The following SOD2 variants were observed in gnomAD, a reference collection of about 807,000 sequenced individuals.
The protein encoded by SOD2 is superoxide dismutase 2.
SOD2 carries 11 observed loss-of-function variants against 27.0 expected under a neutral mutation model. That is an observed-to-expected ratio of 0.41 (90% CI 0.26 to 0.67). The LOEUF is 0.67. Among genes scored for constraint, SOD2 ranks in the 30% least tolerant of loss-of-function variants. The pLI, the probability that SOD2 is intolerant of heterozygous loss-of-function variation, is 0.34. For missense variants in SOD2, 250 were observed against 274.5 expected, an observed-to-expected ratio of 0.91 and a Z score of 0.63; for synonymous variants, 105 against 103.0, an observed-to-expected ratio of 1.02 and a Z score of -0.12.
At chr6:159,741,394 A>G (rs1200218920) in intron 1 of SOD2, among the ~76,000 whole-genome samples, 1 of 152,224 alleles carries the variant, frequency 6.6e-6, no homozygotes, top group Non-Finnish European at 1.5e-5. Flanking sequence ...GAAGAGTCAC[A>G]TGGTATTTTC....
chr6:159,708,275 C>G (rs1777665096), intron 1 of SOD2, among the ~76,000 whole-genome samples: 1 of 152,182 alleles, frequency 6.6e-6, no homozygotes, highest in South Asian at 2.1e-4. Context: ...CCAGGGCCAT[C>G]AGGCAGGAGA....
upstream of SOD2, chr6:159,748,647 C>T: frequency 7.8e-7 from 1 of 1,285,162 alleles, no homozygotes; most frequent in African/African-American, 1.5e-5. This position sits in a 1 kb window ranked among gnomAD's most constrained non-coding sequence, Gnocchi z 5.6. Context: ...AATTCCCCTT[C>T]TAGAACATGT....
upstream of SOD2, among the ~76,000 whole-genome samples, chr6:159,696,382 C>T (rs746590368): frequency 4.6e-5 from 7 of 152,054 alleles, no homozygotes; most frequent in Non-Finnish European, 8.8e-5. Context: ...TGCAGTGGTG[C>T]GATCTCGGCT....
chr6:159,759,129 G>A (rs900571046), intron 1 of SOD2, among the ~76,000 whole-genome samples: 4 of 149,388 alleles, frequency 2.7e-5, no homozygotes, highest in Admixed American at 6.7e-5. Flanking sequence ...GTGCAATCTC[G>A]GCCCACCACA....
chr6:159,749,184 G>T, upstream of SOD2: 1 of 985,872 alleles, frequency 1.0e-6, no homozygotes, highest in Non-Finnish European at 1.2e-6. Context: ...ACTTCAGGTT[G>T]AAACTGTTTG....
Position 159,672,571 on chromosome 6 carries a change from T to C in SOD2, c.*9922A>G, listed in dbSNP as rs971553933. ...AGATTTTGTCACCACCAGGCCTGCC[T>C]TACAAGAGCTCCTGAAGGAAGCACT... is the stretch of plus-strand genomic sequence containing the variant. On this transcript the variant is annotated 3_prime_UTR_variant, in exon 5 of 5. Transcript: ENST00000538183. 2.0e-5 allele frequency: 3 copies of C among 152,072 alleles called. No homozygotes were observed. Among genetic ancestry groups the C allele is most frequent in the African/African-American group, 7.2e-5 (3 of 41,396 alleles). The allele number at this position is 152,072 out of a possible 1,614,324, so 9.4% of individuals were successfully genotyped here. A position where few individuals can be genotyped will look rare whatever the true frequency, so the allele number is the denominator to read the frequency against.
At chr6:159,697,034 GACACACAC>G (rs35334577), upstream of SOD2, among the ~76,000 whole-genome samples, 765 of 132,718 alleles carry the variant, frequency 5.8e-3, 3 homozygotes, top group East Asian at 0.035. Flanking sequence ...AGGAGACCCT[GACACACAC>G]ACACACACAC....
chr6:159,676,296 A>G lies in SOD2; in HGVS notation c.*6197T>C, dbSNP rs1010137361. On this transcript the variant is annotated 3_prime_UTR_variant, in exon 5 of 5. Coordinates refer to ENST00000538183, the MANE Select transcript of SOD2 (RefSeq NM_000636.4). ...CATGCTGCTATAAAGACACATGCAC[A>G]CGTATATTTATTGTGGCACTGTTCA... The G allele has an allele frequency of 4.6e-5, 7 of 152,218 alleles. No individual in the cohort carries two copies. Among genetic ancestry groups the G allele is most frequent in the African/African-American group, 1.7e-4 (7 of 41,456 alleles). 9.4% of individuals were successfully genotyped at this position (152,218 alleles called of 1,614,324 possible).
upstream of SOD2, among the ~76,000 whole-genome samples, chr6:159,746,658 T>C (rs1779594868): frequency 3.3e-5 from 5 of 152,246 alleles, no homozygotes; most frequent in Admixed American, 3.3e-4. Flanking sequence ...ATATACTGTA[T>C]TCTTAACTAT....
chr6:159,755,794 T>G, intron 1 of SOD2: 2 of 877,020 alleles, frequency 2.3e-6, no homozygotes, highest in Non-Finnish European at 1.5e-6. Flanking sequence ...TTTTTTTGCT[T>G]CAATACTTCT....
chr6:159,743,829 G>A (rs779320831), intron 1 of SOD2: 2 of 1,550,276 alleles, frequency 1.3e-6, no homozygotes, highest in Non-Finnish European at 1.7e-6. Flanking sequence ...CTTTAGTTGA[G>A]GAATTGGTTT....
chr6:159,699,273 A>G (rs1268437887), intron 1 of SOD2, among the ~76,000 whole-genome samples: 1 of 152,156 alleles, frequency 6.6e-6, no homozygotes, highest in Non-Finnish European at 1.5e-5. Context: ...CATTGCTTCT[A>G]TGCCCTGACC....
In SOD2 at chr6:159,671,875, A is replaced by G. The variant is rs773410432; in HGVS notation, c.*10618T>C. Reference sequence around the variant, plus strand: ...ATTAGACAAATGGCTAACTAGAATAACCAGCATAGAGAAGTCCTTAAATGA... The same window carrying G: ...ATTAGACAAATGGCTAACTAGAATAGCCAGCATAGAGAAGTCCTTAAATGA... On this transcript the variant is annotated 3_prime_UTR_variant, in exon 5 of 5. Coordinates refer to ENST00000538183, the MANE Select transcript of SOD2 (RefSeq NM_000636.4). The G allele has an allele frequency of 5.3e-5, 8 of 152,188 alleles. No individual in the cohort carries two copies. The highest frequency in any genetic ancestry group is 8.8e-5 in the Non-Finnish European group (6 of 68,044). The allele number at this position is 152,188 out of a possible 1,614,324, so 9.4% of individuals were successfully genotyped here.
At chr6:159,687,128 A>T (rs1780227424) in intron 3 of SOD2, among the ~76,000 whole-genome samples, 1 of 152,210 alleles carries the variant, frequency 6.6e-6, no homozygotes, top group Admixed American at 6.5e-5. Context: ...TGTATCACAT[A>T]GATGAAAAAA....
At chr6:159,748,905 G>C, upstream of SOD2, 1 of 1,174,450 alleles carries the variant, frequency 8.5e-7, no homozygotes. This position sits in a 1 kb window ranked among gnomAD's most constrained non-coding sequence, Gnocchi z 5.6. Context: ...CATGATTGTT[G>C]TTGAACTTCT....
chr6:159,693,706 C>T (rs1431986398), upstream of SOD2, among the ~76,000 whole-genome samples: 2 of 152,248 alleles, frequency 1.3e-5, no homozygotes, highest in Non-Finnish European at 2.9e-5. Context: ...TTCATACCCT[C>T]CCAGGGCCCC....
intron 1 of SOD2, among the ~76,000 whole-genome samples, chr6:159,759,059 A>C (rs1198590546): frequency 6.8e-6 from 1 of 147,136 alleles, no homozygotes. Flanking sequence ...ATTTTATTTT[A>C]TTTCTTTTTT....
intron 4 of SOD2, among the ~76,000 whole-genome samples, chr6:159,683,611 T>C (rs1780054948): frequency 6.6e-6 from 1 of 152,162 alleles, no homozygotes; most frequent in African/African-American, 2.4e-5. Flanking sequence ...AGTAGCAAAA[T>C]TTATTAATGA....
chr6:159,741,941 G>T, intron 1 of SOD2: 1 of 613,674 alleles, frequency 1.6e-6, no homozygotes, highest in Non-Finnish European at 2.8e-6. Context: ...GACAGAGCGA[G>T]ACTCTGTCTA....
Sources: allele counts gnomAD v4.1 joint callset (sites outside exome capture counted in the v4.1 genomes callset), GRCh38; gene constraint gnomAD v4.1.1; non-coding constraint Gnocchi (gnomAD v3.1); transcripts MANE v1.5; gene names NCBI Gene and HGNC (gene_info 2026-07-23, HGNC 2026-07-21).